Variants in COL15A1 observed in about 807,000 individuals in gnomAD.
COL15A1 encodes collagen type XV alpha 1 chain.
COL15A1 carries 111 observed loss-of-function variants against 165.9 expected under a neutral mutation model. The observed-to-expected ratio is 0.67, with a 90% confidence interval of 0.57 to 0.78. The LOEUF is 0.78. Among genes scored for constraint, COL15A1 ranks in the 30% least tolerant of loss-of-function variants. COL15A1 has a pLI of 0.00. For missense variants in COL15A1, 1,745 were observed against 1,789.7 expected (o/e 0.98, Z 0.45); for synonymous variants, 659 against 674.8 (o/e 0.98, Z 0.36).
intron 11 of COL15A1, among the ~76,000 whole-genome samples, chr9:99,019,510 C>A (rs542209592): frequency 6.6e-6 from 1 of 151,852 alleles, no homozygotes; most frequent in Non-Finnish European, 1.5e-5. Context: ...CCGCTGCACC[C>A]GTCCTCTAGG....
At position 99,062,119 on chromosome 9, in the gene COL15A1, T is replaced by C; in HGVS notation, c.3531+20T>C. On this transcript the variant is annotated intron_variant, in intron 37 of 41. Coordinates refer to ENST00000375001, the MANE Select transcript of COL15A1 (RefSeq NM_001855.5). ...TTACAGGTAATTTCTAAACTTCCTT[T>C]AACACACTGCCTTCAAATACCCTCT... The C allele has an allele frequency of 6.2e-7, 1 of 1,613,658 alleles. No homozygotes were observed. Among genetic ancestry groups the C allele is most frequent in the Non-Finnish European group, 8.5e-7 (1 of 1,179,692 alleles).
chr9:98,984,933 A>G (rs911552625), intron 2 of COL15A1, among the ~76,000 whole-genome samples: 2 of 152,228 alleles, frequency 1.3e-5, no homozygotes, highest in Non-Finnish European at 2.9e-5. Context: ...CTGAGATTGC[A>G]GGCATGTGCC....
intron 2 of COL15A1, among the ~76,000 whole-genome samples, chr9:98,968,030 C>A (rs1435917891): frequency 2.0e-5 from 3 of 152,220 alleles, no homozygotes; most frequent in African/African-American, 7.2e-5. Flanking sequence ...CCACTGGCGT[C>A]ATGGATAAGC....
intron 40 of COL15A1, among the ~76,000 whole-genome samples, chr9:99,067,953 T>C (rs962372974): frequency 6.6e-6 from 1 of 152,144 alleles, no homozygotes; most frequent in Non-Finnish European, 1.5e-5. Flanking sequence ...AAAATAACAA[T>C]AATAAAATAA....
intron 2 of COL15A1, among the ~76,000 whole-genome samples, chr9:98,954,675 A>G (rs1249842346): frequency 1.3e-5 from 2 of 152,232 alleles, no homozygotes; most frequent in East Asian, 3.8e-4. Context: ...ACAATTTCCT[A>G]AAACAAATAG....
chr9:98,950,363 A>G (rs1202237585), intron 2 of COL15A1, among the ~76,000 whole-genome samples: 1 of 152,194 alleles, frequency 6.6e-6, no homozygotes. Context: ...AGTTTTTAAA[A>G]TTATAGCCAT....
At chr9:99,068,056 G>A (rs186340046) in intron 40 of COL15A1, among the ~76,000 whole-genome samples, 102 of 152,284 alleles carry the variant, frequency 6.7e-4, no homozygotes, top group Admixed American at 1.4e-3. Flanking sequence ...AAGCAAAAGC[G>A]TTCATGGATG....
At chr9:99,050,647 A>G (rs568547676) in intron 30 of COL15A1, among the ~76,000 whole-genome samples, 1 of 152,354 alleles carries the variant, frequency 6.6e-6, no homozygotes, top group East Asian at 1.9e-4. Flanking sequence ...TCTCTCATTC[A>G]TTCGACAAAT....
chr9:98,972,257 C>T (rs1235382900), intron 2 of COL15A1, among the ~76,000 whole-genome samples: 3 of 152,080 alleles, frequency 2.0e-5, no homozygotes, highest in Admixed American at 6.5e-5. Context: ...GGCAGTTAGC[C>T]CTTACCCGTG....
At chr9:99,031,450 G>A (rs1414262035) in intron 16 of COL15A1, among the ~76,000 whole-genome samples, 1 of 152,228 alleles carries the variant, frequency 6.6e-6, no homozygotes, top group Non-Finnish European at 1.5e-5. Flanking sequence ...AGTTCCGTGA[G>A]GAAGGTTATC....
At chr9:99,029,854 G>A (rs564741134) in intron 16 of COL15A1, among the ~76,000 whole-genome samples, 3 of 152,154 alleles carry the variant, frequency 2.0e-5, no homozygotes, top group African/African-American at 7.2e-5. Context: ...GAACCCGGGA[G>A]GCCGGGGTTG....
intron 28 of COL15A1, 135 bp from the exon 29 acceptor site, chr9:99,049,555 C>A: frequency 9.4e-7 from 1 of 1,067,214 alleles, no homozygotes; most frequent in Non-Finnish European, 1.4e-6. Flanking sequence ...CTCTGTGGCT[C>A]CCTGAGCAAC....
chr9:99,018,102 A>T (rs894792436), intron 11 of COL15A1, among the ~76,000 whole-genome samples: 1 of 152,230 alleles, frequency 6.6e-6, no homozygotes, highest in African/African-American at 2.4e-5. Context: ...TGTTTTGGTC[A>T]TAGCCATAGT....
chr9:99,032,357 C>T (rs1229682978), intron 16 of COL15A1, among the ~76,000 whole-genome samples: 1 of 151,814 alleles, frequency 6.6e-6, no homozygotes, highest in Admixed American at 6.6e-5. Context: ...ACCCAGCTAA[C>T]TTATGTATTT....
intron 2 of COL15A1, among the ~76,000 whole-genome samples, chr9:98,944,737 G>C (rs927973523): frequency 6.6e-6 from 1 of 152,260 alleles, no homozygotes; most frequent in Admixed American, 6.5e-5. Context: ...GCTTAACCCA[G>C]CTCTGAGTTA....
In COL15A1 at chr9:98,978,429, C is replaced by T. The variant is rs561094810; in HGVS notation, c.101-7136C>T. On this transcript the variant is annotated intron_variant, in intron 2 of 41. Coordinates refer to ENST00000375001, the MANE Select transcript of COL15A1 (RefSeq NM_001855.5). ...ACTCTCTGTGGCACCAGGAATTTTC[C>T]GAGCAGAAAGAGGCTTCCCCCTCCT... Among the ~76,000 whole-genome samples, 18 of 152,262 alleles carry T rather than the reference C, an allele frequency of 1.2e-4. No homozygotes were observed. In the East Asian group the frequency reaches 1.9e-3, roughly 16 times the overall value.
At chr9:99,042,133 G>T in intron 24 of COL15A1, 26 bp downstream of exon 24, 1 of 1,549,054 alleles carries the variant, frequency 6.5e-7, no homozygotes, top group Non-Finnish European at 8.8e-7. Flanking sequence ...GTATCTGAGT[G>T]AGATTGGGCG....
At chr9:99,012,980 A>G (rs1319896123) in intron 9 of COL15A1, among the ~76,000 whole-genome samples, 1 of 152,098 alleles carries the variant, frequency 6.6e-6, no homozygotes, top group Admixed American at 6.6e-5. Flanking sequence ...GACTACAGGC[A>G]TGAACCACCG....
At chr9:99,025,822 C>A (rs1042911015) in intron 15 of COL15A1, 82 bp from the exon 16 acceptor site, 2 of 1,478,802 alleles carry the variant, frequency 1.4e-6, no homozygotes, top group African/African-American at 2.8e-5. Context: ...TGCCTCCCAA[C>A]CCTGCCCTCC....
Sources: allele counts gnomAD v4.1 joint callset (sites outside exome capture counted in the v4.1 genomes callset), GRCh38; gene constraint gnomAD v4.1.1; transcripts MANE v1.5; gene names NCBI Gene and HGNC (gene_info 2026-07-23, HGNC 2026-07-21).